FBXO15: variants seen among roughly 807,000 people sequenced by gnomAD.
FBXO15 encodes the protein F-box protein 15.
Under a neutral mutation model 49.5 loss-of-function variants are expected in FBXO15, and 30 were observed. The ratio of observed to expected loss-of-function variants is 0.61; its 90% CI spans 0.45 to 0.82. FBXO15 has a LOEUF of 0.82. FBXO15 is among the 40% of genes least tolerant of loss of function. The pLI, the probability that FBXO15 is intolerant of heterozygous loss-of-function variation, is 0.00. For synonymous variants in FBXO15, 250 were observed against 232.7 expected (o/e 1.07, Z -0.68); for missense variants, 591 against 631.5 (o/e 0.94, Z 0.69).
At chr18:74,107,661 A>G (rs1353557045) in intron 8 of FBXO15, among the ~76,000 whole-genome samples, 1 of 152,180 alleles carries the variant, frequency 6.6e-6, no homozygotes, top group Non-Finnish European at 1.5e-5. Flanking sequence ...TCTGAGAGTT[A>G]AAAACTTCAG....
intron 1 of FBXO15, among the ~76,000 whole-genome samples, chr18:74,147,279 G>C (rs1179933904): frequency 6.6e-6 from 1 of 151,978 alleles, no homozygotes; most frequent in Non-Finnish European, 1.5e-5. Flanking sequence ...TAAGTTGTAA[G>C]GTCATGAAAA....
chr18:74,145,408 C>A (rs1259643191), intron 1 of FBXO15, among the ~76,000 whole-genome samples: 1 of 152,036 alleles, frequency 6.6e-6, no homozygotes, highest in Non-Finnish European at 1.5e-5. Flanking sequence ...AAGGCTCTAA[C>A]AAGGCAACTA....
At chr18:74,126,367 C>A (rs1266702254) in intron 5 of FBXO15, among the ~76,000 whole-genome samples, 1 of 152,174 alleles carries the variant, frequency 6.6e-6, no homozygotes, top group Admixed American at 6.5e-5. Flanking sequence ...AGTTGAAGGA[C>A]CAGGAAAGTG....
intron 8 of FBXO15, among the ~76,000 whole-genome samples, chr18:74,086,370 T>C (rs1912736817): frequency 4.6e-5 from 7 of 152,336 alleles, no homozygotes; most frequent in Admixed American, 3.9e-4. Flanking sequence ...GCCCATAACT[T>C]GTTTTTCATA....
chr18:74,137,446 T>C (rs1978791914), intron 2 of FBXO15, among the ~76,000 whole-genome samples: 1 of 152,202 alleles, frequency 6.6e-6, no homozygotes, highest in South Asian at 2.1e-4. Flanking sequence ...ATCCAGCAAC[T>C]ACCAGAATTA....
rs182697248 is a variant in FBXO15 at position 74,089,324 on chromosome 18, C to G, written c.1139-7273G>C. On this transcript the variant is annotated intron_variant, in intron 8 of 9. Coordinates refer to ENST00000419743, the MANE Select transcript of FBXO15 (RefSeq NM_001142958.2). ...ACTTCGGTGAAGTTGTTTATCAGAT[C>G]AAAGAGCTTTTGAGCAGAGACTATG... Among the ~76,000 whole-genome samples the G allele has an allele frequency of 2.6e-5, 4 of 152,230 alleles. No individual in the cohort carries two copies. The East Asian group carries it at 7.7e-4, about 29-fold the overall frequency.
intron 8 of FBXO15, among the ~76,000 whole-genome samples, chr18:74,111,414 T>C (rs1395321268): frequency 6.6e-6 from 1 of 151,894 alleles, no homozygotes; most frequent in African/African-American, 2.4e-5. Context: ...GGAGACTGAA[T>C]AACAGATTTC....
At chr18:74,118,133 G>A (rs1914312543) in intron 8 of FBXO15, among the ~76,000 whole-genome samples, 1 of 151,822 alleles carries the variant, frequency 6.6e-6, no homozygotes, top group Non-Finnish European at 1.5e-5. Flanking sequence ...AAGTAGCTGA[G>A]ACTACAGGTG....
At chr18:74,128,171 A>G (rs1978297170) in intron 5 of FBXO15, among the ~76,000 whole-genome samples, 1 of 152,160 alleles carries the variant, frequency 6.6e-6, no homozygotes, top group Non-Finnish European at 1.5e-5. Context: ...TAACATTAAG[A>G]ATATTTTTAG....
chr18:74,095,004 T>C (rs1913214851), intron 8 of FBXO15, among the ~76,000 whole-genome samples: 1 of 152,246 alleles, frequency 6.6e-6, no homozygotes, highest in Non-Finnish European at 1.5e-5. Flanking sequence ...GGATATTTCT[T>C]GTTTTCTTAA....
chr18:74,077,113 C>T lies in FBXO15; in HGVS notation c.1264-3383G>A, dbSNP rs563115122. 2.0e-5 allele frequency among the ~76,000 whole-genome samples: 3 copies of T among 152,304 alleles called. No individual in the cohort carries two copies. The South Asian group carries it at 6.2e-4, about 32-fold the overall frequency. On this transcript the variant is annotated intron_variant, in intron 9 of 9. Coordinates refer to ENST00000419743, the MANE Select transcript of FBXO15 (RefSeq NM_001142958.2). ...CGGCCAGTGCAGGTAGAGATGGATGCTAAGCACCAAGAGGGCAGGACTTAG... is the reference window on the plus strand; with the variant it reads ...CGGCCAGTGCAGGTAGAGATGGATGTTAAGCACCAAGAGGGCAGGACTTAG...
At chr18:74,147,471 ATTTG>A (rs1300206637) in intron 1 of FBXO15, 195 bp downstream of exon 1, 40 of 1,208,920 alleles carry the variant, frequency 3.3e-5, no homozygotes, top group Non-Finnish European at 3.9e-5. Flanking sequence ...AGGCTACTCT[ATTTG>A]TGTCATAACT....
In FBXO15 at chr18:74,073,796, G is replaced by T. The variant is rs568463192; in HGVS notation, c.1264-66C>A. The T allele has an allele frequency of 7.2e-6, 11 of 1,530,990 alleles. No individual in the cohort carries two copies. In the South Asian group the frequency reaches 1.4e-4, roughly 20 times the overall value. 94.8% of individuals were successfully genotyped at this position (1,530,990 alleles called of 1,614,324 possible). On this transcript the variant is annotated intron_variant, in intron 9 of 9. Coordinates refer to ENST00000419743, the MANE Select transcript of FBXO15 (RefSeq NM_001142958.2). ...TCAGACCTGATTTTCACAGAAAATC[G>T]TGACTCTGTAAAACTCACTAGAAAT...
intron 8 of FBXO15, among the ~76,000 whole-genome samples, chr18:74,096,719 G>A (rs1913294315): frequency 2.0e-5 from 3 of 151,530 alleles, no homozygotes; most frequent in African/African-American, 7.3e-5. Context: ...CGATATGTGA[G>A]CTTTCTGACC....
chr18:74,132,535 T>C (rs1978458299), intron 3 of FBXO15, among the ~76,000 whole-genome samples: 1 of 152,220 alleles, frequency 6.6e-6, no homozygotes, highest in Admixed American at 6.5e-5. Flanking sequence ...GATCATATAT[T>C]ACTTACCGTA....
chr18:74,140,148 A>T, intron 2 of FBXO15, 54 bp downstream of exon 2: 3 of 1,439,002 alleles, frequency 2.1e-6, no homozygotes, highest in Non-Finnish European at 2.8e-6. Flanking sequence ...AACTTTCTCT[A>T]ATAACCCCAT....
At chr18:74,135,943 T>C in intron 2 of FBXO15, 77 bp from the exon 3 acceptor site, 1 of 1,170,682 alleles carries the variant, frequency 8.5e-7, no homozygotes, top group Non-Finnish European at 1.2e-6. Context: ...AGAAAACAAC[T>C]GGCTGCTCAT....
At chr18:74,088,192 CAGA>C (rs1912834278) in intron 8 of FBXO15, among the ~76,000 whole-genome samples, 1 of 152,136 alleles carries the variant, frequency 6.6e-6, no homozygotes, top group Admixed American at 6.6e-5. Flanking sequence ...TTTTGCTGTG[CAGA>C]AGCTCTTTAA....
intron 8 of FBXO15, among the ~76,000 whole-genome samples, chr18:74,096,646 CAA>C (rs796071138): frequency 7.8e-6 from 1 of 128,312 alleles, no homozygotes. Context: ...CCAAAGCAAA[CAA>C]AAAAAAAAAA....
Sources: gnomAD v4.1 joint callset for allele counts (sites outside exome capture counted in the v4.1 genomes callset) on GRCh38, gnomAD v4.1.1 for gene constraint, MANE v1.5 for transcripts, NCBI Gene and HGNC (gene_info 2026-07-23, HGNC 2026-07-21) for gene names.